MYO16: variants seen among roughly 807,000 people sequenced by gnomAD.
MYO16 encodes the protein unconventional myosin-XVI.
In MYO16, 94 loss-of-function variants were observed where a neutral mutation model predicts 205.3. The ratio of observed to expected loss-of-function variants is 0.46; its 90% CI spans 0.39 to 0.54. The LOEUF is 0.54. Ranked by LOEUF, MYO16 falls within the 20% of genes least tolerant of loss-of-function variation. MYO16 has a pLI of 0.00. For missense variants in MYO16, 2,315 were observed against 2,387.5 expected (o/e 0.97, Z 0.63); for synonymous variants, 988 against 954.0 (o/e 1.04, Z -0.66).
chr13:108,722,373 T>C (rs564157399), intron 3 of MYO16, among the ~76,000 whole-genome samples: 13 of 152,162 alleles, frequency 8.5e-5, no homozygotes, highest in Non-Finnish European at 1.8e-4. Flanking sequence ...TATAAGAACA[T>C]TGTAACAGGA....
At chr13:108,816,527 T>A (rs1875617235) in intron 7 of MYO16, among the ~76,000 whole-genome samples, 2 of 152,132 alleles carry the variant, frequency 1.3e-5, no homozygotes. Flanking sequence ...TGTAAGCTGT[T>A]TTTCTTGCTG....
At chr13:108,859,051 C>G (rs1447948947) in intron 11 of MYO16, among the ~76,000 whole-genome samples, 2 of 152,132 alleles carry the variant, frequency 1.3e-5, no homozygotes, top group African/African-American at 2.4e-5. Flanking sequence ...TTTGAAATCG[C>G]AAAATGCACT....
At chr13:109,010,708 T>G (rs1287684561) in intron 22 of MYO16, among the ~76,000 whole-genome samples, 1 of 152,040 alleles carries the variant, frequency 6.6e-6, no homozygotes, top group Non-Finnish European at 1.5e-5. Context: ...TGTAAGTTTG[T>G]ATGTGAACCT....
chr13:108,499,258 G>A, the MYO16 span, among the ~76,000 whole-genome samples: 1 of 152,196 alleles, frequency 6.6e-6, no homozygotes, highest in African/African-American at 2.4e-5. Flanking sequence ...TCCTGAAAAT[G>A]AGTAGTCATT....
intron 10 of MYO16, among the ~76,000 whole-genome samples, chr13:108,849,839 A>G (rs1626719): frequency 1.0e-4 from 9 of 87,456 alleles, no homozygotes; most frequent in East Asian, 3.6e-4. Flanking sequence ...TCCATACTGG[A>G]TTATTTGCAC....
intron 7 of MYO16, among the ~76,000 whole-genome samples, chr13:108,819,556 A>T (rs1457488068): frequency 1.3e-5 from 2 of 149,376 alleles, no homozygotes; most frequent in Non-Finnish European, 3.0e-5. Context: ...AGATGTCATT[A>T]AAAAAAATGT....
At chr13:109,192,889 T>C (rs150225787) in intron 34 of MYO16, among the ~76,000 whole-genome samples, 1 of 152,372 alleles carries the variant, frequency 6.6e-6, no homozygotes, top group Non-Finnish European at 1.5e-5. Context: ...TCTTCATCAT[T>C]TATTTGCTTA....
the MYO16 span, among the ~76,000 whole-genome samples, chr13:108,523,391 G>C: frequency 2.0e-5 from 3 of 152,172 alleles, no homozygotes; most frequent in Admixed American, 2.0e-4. Flanking sequence ...CTTACTTTCA[G>C]ATGCCAGTGC....
intron 23 of MYO16, among the ~76,000 whole-genome samples, chr13:109,040,304 T>A (rs1239379946): frequency 1.3e-5 from 2 of 151,350 alleles, no homozygotes; most frequent in Non-Finnish European, 2.9e-5. Flanking sequence ...GAATACTCTC[T>A]AATTCATTTG....
In MYO16 at chr13:108,813,750, CTT is replaced by C. The variant is rs529645536; in HGVS notation, c.868-6585_868-6584del. On this transcript the variant is annotated intron_variant, in intron 7 of 34. Coordinates refer to ENST00000457511, the MANE Select transcript of MYO16 (RefSeq NM_001198950.3). ...TATTAGTCACCTTAACCTCTGATAA[CTT>C]TGCTGATTATGAAATTCTTTTAATA... 2.6e-3 allele frequency among the ~76,000 whole-genome samples: 400 copies of C among 152,264 alleles called. 1 individual carries two copies. The highest frequency in any genetic ancestry group is 4.4e-3 in the Non-Finnish European group (298 of 68,002).
chr13:108,550,346 A>G, the MYO16 span, among the ~76,000 whole-genome samples: 1 of 152,260 alleles, frequency 6.6e-6, no homozygotes, highest in African/African-American at 2.4e-5. Flanking sequence ...ACTTGTGGGT[A>G]AAACAAAGGA....
chr13:108,573,871 G>C, the MYO16 span, among the ~76,000 whole-genome samples: 1 of 152,104 alleles, frequency 6.6e-6, no homozygotes, highest in Non-Finnish European at 1.5e-5. Context: ...TTATGTTTAA[G>C]GCAGGGTCTC....
the MYO16 span, among the ~76,000 whole-genome samples, chr13:108,588,785 G>A: frequency 6.6e-6 from 1 of 152,046 alleles, no homozygotes; most frequent in Non-Finnish European, 1.5e-5. Context: ...TCCTCAGGTT[G>A]CATGATTGCC....
chr13:109,190,076 A>G (rs1274516026), intron 34 of MYO16, among the ~76,000 whole-genome samples: 2 of 152,162 alleles, frequency 1.3e-5, no homozygotes, highest in African/African-American at 4.8e-5. Flanking sequence ...AGTCAAATTG[A>G]TTAATCCTTA....
intron 17 of MYO16, among the ~76,000 whole-genome samples, chr13:108,959,557 A>G (rs1883503988): frequency 6.6e-6 from 1 of 152,176 alleles, no homozygotes; most frequent in African/African-American, 2.4e-5. Flanking sequence ...TAATTTCTTC[A>G]TCCTGACCCT....
intron 10 of MYO16, among the ~76,000 whole-genome samples, 154 bp downstream of exon 10, chr13:108,844,647 A>G (rs983857572): frequency 6.6e-6 from 1 of 152,204 alleles, no homozygotes; most frequent in African/African-American, 2.4e-5. Flanking sequence ...TTCATAAACA[A>G]TTAGTGCATT....
intron 2 of MYO16, among the ~76,000 whole-genome samples, chr13:108,686,227 T>G (rs1367126115): frequency 6.6e-6 from 1 of 152,186 alleles, no homozygotes; most frequent in Non-Finnish European, 1.5e-5. Context: ...TCGAGTGGGC[T>G]GGGAGCAGCT....
At chr13:108,701,965 A>G (rs534785161) in intron 2 of MYO16, among the ~76,000 whole-genome samples, 1 of 152,292 alleles carries the variant, frequency 6.6e-6, no homozygotes, top group Non-Finnish European at 1.5e-5. Context: ...TGGCAAAACA[A>G]GCAGTGAATT....
At chr13:109,079,365 A>G (rs1167580150) in intron 27 of MYO16, among the ~76,000 whole-genome samples, 1 of 146,020 alleles carries the variant, frequency 6.8e-6, no homozygotes, top group African/African-American at 2.5e-5. Flanking sequence ...TTTATTTTCT[A>G]TATGAGTTAC....
Sources: allele counts gnomAD v4.1 joint callset (sites outside exome capture counted in the v4.1 genomes callset), GRCh38; gene constraint gnomAD v4.1.1; transcripts MANE v1.5; gene names NCBI Gene and HGNC (gene_info 2026-07-23, HGNC 2026-07-21).